LCMT2: variants seen among roughly 807,000 people sequenced by gnomAD.
LCMT2 encodes the protein tRNA wybutosine-synthesizing protein 4.
LCMT2 carries 34 observed loss-of-function variants against 42.0 expected under a neutral mutation model. The ratio of observed to expected loss-of-function variants is 0.81; its 90% CI spans 0.62 to 1.08. The LOEUF (loss-of-function observed/expected upper bound fraction) is 1.08. Among genes scored for constraint, LCMT2 ranks in the 50% least tolerant of loss-of-function variants. The pLI, the probability that LCMT2 is intolerant of heterozygous loss-of-function variation, is 0.00. For synonymous variants in LCMT2, 445 were observed against 369.5 expected (o/e 1.20, Z -2.34); for missense variants, 1,091 against 889.4 (o/e 1.23, Z -2.88).
In LCMT2 at chr15:43,330,060, G is replaced by A. The variant is rs776662194; in HGVS notation, c.430C>T (p.Pro144Ser). 8 of 1,612,248 alleles carry A rather than the reference G, an allele frequency of 5.0e-6. No homozygotes were observed. The highest frequency in any genetic ancestry group is 6.8e-6 in the Non-Finnish European group (8 of 1,179,920). The part of the protein sequence containing the change: ...ALTGPFERGE[P>S]ASALCFESAD... ...CTCTCAAAGCACAGCGCGGACGCGG[G>A]CTCCCCCCTCTCGAAAGGCCCGGTT... Residue 144 changes from proline (P) to serine (S), a missense_variant, in exon 1 of 1, where the codon CCC becomes TCC. Transcript: ENST00000305641.
Position 43,328,646 on chromosome 15 carries a change from G to A in LCMT2, c.1844C>T (p.Thr615Ile), listed in dbSNP as rs1180049002. ...CAATCCTGTAGTCAAATTGATCACA[G>A]TCACTCCAGGAAATGAGGAGGAATG... ...WIHSSSFPGV[T>I]VINLTTGLSS... is the part of the protein sequence containing the mutation. Residue 615 changes from threonine to isoleucine, a missense_variant, in exon 1 of 1, where the codon ACT (threonine) becomes ATT (isoleucine). Thr to Ile is a moderately conservative substitution (Grantham distance 89). Transcript: ENST00000305641. The A allele has an allele frequency of 6.2e-7, 1 of 1,614,210 alleles. No individual in the cohort carries two copies.
Position 43,329,468 on chromosome 15 carries a change from A to G in LCMT2, c.1022T>C (p.Phe341Ser). The change falls in exon 1 of 1, where the codon TTC becomes TCC. Residue 341 changes from phenylalanine (F) to serine (S), a missense_variant. Phe to Ser is a radical substitution (Grantham distance 155, BLOSUM62 -2). Transcript: ENST00000305641. ...CTCGCTACTGACTACGCTGGCAGGG[A>G]ATACCCCTGAAGGCGAAGCAGGATT... ...RVNPASPSGV[F>S]PASVVSSEGQ... The G allele has an allele frequency of 6.2e-7, 1 of 1,614,150 alleles. No individual in the cohort carries two copies. The highest frequency in any genetic ancestry group is 1.1e-5 in the South Asian group (1 of 91,086).
Position 43,330,497 on chromosome 15 carries a change from A to G in LCMT2, c.-8T>C, listed in dbSNP as rs2043178897. On this transcript the variant is annotated 5_prime_UTR_variant, in exon 1 of 1. Coordinates refer to ENST00000305641, the MANE Select transcript of LCMT2 (RefSeq NM_014793.5). ...ACGGCTCCGGGGGCCCATGGCCAGA[A>G]GAGACTCAGGAATGGCAGTCTGTCA... 2 of 1,516,194 alleles carry G rather than the reference A, an allele frequency of 1.3e-6. No homozygotes were observed. Among genetic ancestry groups the G allele is most frequent in the Non-Finnish European group, 8.8e-7 (1 of 1,136,664 alleles). 93.9% of individuals were successfully genotyped at this position (1,516,194 alleles called of 1,614,324 possible).
rs35295618 is a variant in LCMT2, at chr15:43,324,641, G to GCAAACAAA, written c.*3780_*3787dup. 5.8e-4 allele frequency: 76 copies of GCAAACAAA among 131,730 alleles called. No homozygotes were observed. Among genetic ancestry groups the GCAAACAAA allele is most frequent in the Admixed American group, 1.5e-3 (18 of 11,728 alleles). 8.2% of individuals were successfully genotyped at this position (131,730 alleles called of 1,614,324 possible). A position where few individuals can be genotyped will look rare whatever the true frequency, so the allele number is the denominator to read the frequency against. On this transcript the variant is annotated 3_prime_UTR_variant, in exon 1 of 1. Transcript: ENST00000305641. ...TCCGTCTCAAAACAAAAAACAAAAA[G>GCAAACAAA]CAAACAAACAAACAAACAAACAAAC...
Position 43,328,920 on chromosome 15 carries a change from T to C in LCMT2, c.1570A>G (p.Ile524Val), listed in dbSNP as rs765435945. 1.2e-6 allele frequency: 2 copies of C among 1,614,020 alleles called. No homozygotes were observed. Among genetic ancestry groups the C allele is most frequent in the African/African-American group, 2.7e-5 (2 of 74,912 alleles). The stretch of plus-strand genomic sequence containing the variant: ...TCAGGTACTTCTCCCTCCACTGGGA[T>C]CCTGACCCAAGCCATTGTCCCTACA... ...LHVGTMAWVR[I>V]PVEGEVPEAR... is the part of the protein sequence containing the mutation. The change falls in exon 1 of 1, where the codon ATC (isoleucine) becomes GTC (valine). Residue 524 changes from isoleucine to valine, a missense_variant. Ile to Val is a conservative substitution (Grantham distance 29, BLOSUM62 3). Coordinates refer to ENST00000305641, the MANE Select transcript of LCMT2 (RefSeq NM_014793.5).
Position 43,329,091 on chromosome 15 carries a change from T to C in LCMT2, c.1399A>G (p.Thr467Ala), listed in dbSNP as rs1218429506. The C allele has an allele frequency of 6.2e-7, 1 of 1,614,098 alleles. No homozygotes were observed. Among genetic ancestry groups the C allele is most frequent in the Non-Finnish European group, 8.5e-7 (1 of 1,180,036 alleles). Residue 467 changes from threonine (T) to alanine (A), a missense_variant, in exon 1 of 1, where the codon ACA becomes GCA. Transcript: ENST00000305641. ...NNTEDLKVTI[T>A]KAGRKDDSTL... ...GAATCATCCTTTCGGCCAGCCTTTG[T>C]TATTGTCACTTTCAGGTCCTCAGTG... is the stretch of plus-strand genomic sequence containing the variant.
Position 43,330,182 on chromosome 15 carries a change from C to T in LCMT2, c.308G>A (p.Gly103Asp). 1 of 1,611,686 alleles carries T rather than the reference C, an allele frequency of 6.2e-7. No homozygotes were observed. Among genetic ancestry groups the T allele is most frequent in the Non-Finnish European group, 8.5e-7 (1 of 1,179,858 alleles). ...DSLYFRLKTA[G>D]RLARAAVWEV... is the part of the protein sequence containing the mutation. ...CCAGACTGCAGCCCGGGCCAGGCGG[C>T]CCGCGGTTTTTAAGCGAAAATAGAG... The change falls in exon 1 of 1, where the codon GGC becomes GAC. Residue 103 changes from glycine (G) to aspartate (D), a missense_variant. By Grantham distance (94) the Gly-to-Asp change is moderately conservative (BLOSUM62 -1). Coordinates refer to ENST00000305641, the MANE Select transcript of LCMT2 (RefSeq NM_014793.5).
chr15:43,328,356 T>C lies in LCMT2; in HGVS notation c.*73A>G, dbSNP rs1057440900. 15 of 1,457,564 alleles carry C rather than the reference T, an allele frequency of 1.0e-5. No homozygotes were observed. The highest frequency in any genetic ancestry group is 6.1e-5 in the Admixed American group (3 of 48,790). 90.3% of individuals were successfully genotyped at this position (1,457,564 alleles called of 1,614,324 possible). A position where few individuals can be genotyped will look rare whatever the true frequency, so the allele number is the denominator to read the frequency against. The stretch of plus-strand genomic sequence containing the variant: ...GGGAAAGGAGGAGTGGCAGTATCTA[T>C]AGCTAGAGGGTCATCCTATTTGTGG... On this transcript the variant is annotated 3_prime_UTR_variant, in exon 1 of 1. Coordinates refer to ENST00000305641, the MANE Select transcript of LCMT2 (RefSeq NM_014793.5).
chr15:43,330,455 G>A lies in LCMT2; in HGVS notation c.35C>T (p.Ala12Val), dbSNP rs2043177384. 5 of 1,530,374 alleles carry A rather than the reference G, an allele frequency of 3.3e-6. No homozygotes were observed. Among genetic ancestry groups the A allele is most frequent in the East Asian group, 4.6e-5 (2 of 43,914 alleles). 94.8% of individuals were successfully genotyped at this position (1,530,374 alleles called of 1,614,324 possible). The change falls in exon 1 of 1, where the codon GCG (alanine) becomes GTG (valine). Residue 12 changes from alanine (A) to valine (V), a missense_variant. Transcript: ENST00000305641. The part of the protein sequence containing the change: ...GPRSRERRAG[A>V]VQNTNDSSAL... ...GCTGCTGTCGTTGGTGTTCTGTACC[G>A]CGCCTGCCCGACGCTCACGGCTCCG...
rs1306611975 is a variant in LCMT2, at chr15:43,330,000, G to A, written c.490C>T (p.Gln164Ter). The A allele has an allele frequency of 2.5e-6, 4 of 1,612,658 alleles. No homozygotes were observed. Among genetic ancestry groups the A allele is most frequent in the Admixed American group, 3.3e-5 (2 of 60,030 alleles). ...AGGGCCTCCTCCACTCGCTGGAGCT[G>A]CCGCAAGTCCAGACCCAGGATGCAG... Reference protein sequence around the residue: ...DYCILGLDLRQLQRVEEALGA... With the variant: ...DYCILGLDLR The change falls in exon 1 of 1, where the codon CAG (glutamine) becomes TAG (stop). Residue 164 changes from glutamine to a stop codon, truncating the protein, a stop_gained. Transcript: ENST00000305641. LOFTEE classifies it high-confidence loss of function.
rs894316824 is a variant in LCMT2 at position 43,327,921 on chromosome 15, A to C, written c.*508T>G. ...AACTATCCGAGTTTTCTGTTGCAAC[A>C]AACAGGACAATGTTTTAATCAAACT... On this transcript the variant is annotated 3_prime_UTR_variant, in exon 1 of 1. Transcript: ENST00000305641. 1 of 154,714 alleles carries C rather than the reference A, an allele frequency of 6.5e-6. No individual in the cohort carries two copies. The highest frequency in any genetic ancestry group is 6.3e-5 in the Admixed American group (1 of 15,804). The allele number at this position is 154,714 out of a possible 1,614,324, so 9.6% of individuals were successfully genotyped here.
rs745418757 is a variant in LCMT2 at position 43,330,500 on chromosome 15, G to C, written c.-11C>G. ...GCTCCGGGGGCCCATGGCCAGAAGA[G>C]ACTCAGGAATGGCAGTCTGTCACGG... On this transcript the variant is annotated 5_prime_UTR_variant, in exon 1 of 1. Transcript: ENST00000305641. The C allele has an allele frequency of 2.3e-5, 35 of 1,514,670 alleles. No individual in the cohort carries two copies. Among genetic ancestry groups the C allele is most frequent in the Non-Finnish European group, 3.1e-5 (35 of 1,135,806 alleles). The allele number at this position is 1,514,670 out of a possible 1,614,324, so 93.8% of individuals were successfully genotyped here.
Position 43,329,561 on chromosome 15 carries a change from G to T in LCMT2, c.929C>A (p.Ala310Glu), listed in dbSNP as rs1407139306. Reference protein sequence around the residue: ...HLKCAHYFILAASRGDTLSHT... With the variant: ...HLKCAHYFILEASRGDTLSHT... Reference sequence around the variant, plus strand: ...GGAGAGGGTGTCTCCCCTAGAAGCTGCCAGAATGAAATAATGGGCGCACTT... The same window carrying T: ...GGAGAGGGTGTCTCCCCTAGAAGCTTCCAGAATGAAATAATGGGCGCACTT... The change falls in exon 1 of 1, where the codon GCA (alanine) becomes GAA (glutamate). Residue 310 changes from alanine (A) to glutamate (E), a missense_variant. By Grantham distance (107) the Ala-to-Glu change is moderately radical. Coordinates refer to ENST00000305641, the MANE Select transcript of LCMT2 (RefSeq NM_014793.5). 4.3e-6 allele frequency: 7 copies of T among 1,613,932 alleles called. No individual in the cohort carries two copies. In the African/African-American group the frequency reaches 8.0e-5, roughly 18 times the overall value.
At position 43,330,343 on chromosome 15, in the gene LCMT2, T is replaced by G. The variant is rs2142458125; in HGVS notation, c.147A>C (p.Ala49=). ...CGTAGTAGCCTCGGTGAATGAGCGG[T>G]GCGCGGCGCGCCGCGCCCGGAACCA... ...ALLVPGAARR[A]PLIHRGYYVR... is the part of the protein sequence containing the mutation. Residue 49 remains alanine (A), a synonymous_variant, in exon 1 of 1, where the codon GCA becomes GCC. Transcript: ENST00000305641. The G allele has an allele frequency of 6.2e-7, 1 of 1,603,102 alleles. No individual in the cohort carries two copies. The highest frequency in any genetic ancestry group is 8.5e-7 in the Non-Finnish European group (1 of 1,178,334).
chr15:43,328,390 AT>A lies in LCMT2; in HGVS notation c.*38del. On this transcript the variant is annotated 3_prime_UTR_variant, in exon 1 of 1. Coordinates refer to ENST00000305641, the MANE Select transcript of LCMT2 (RefSeq NM_014793.5). The stretch of plus-strand genomic sequence containing the variant: ...GGTCATCCTATTTGTGGAAAACTTT[AT>A]TGTCTACTTTAGTGGGTCCTGAATA... 6.4e-7 allele frequency: 1 copy of A among 1,567,860 alleles called. No homozygotes were observed. The highest frequency in any genetic ancestry group is 8.6e-7 in the Non-Finnish European group (1 of 1,158,514).
chr15:43,330,558 A>C lies in LCMT2; in HGVS notation c.-69T>G. On this transcript the variant is annotated 5_prime_UTR_variant, in exon 1 of 1. Transcript: ENST00000305641. ...CCGCCCCTTGGTTAGCACACACCTC[A>C]CGGACCTCGGTAGGGGGAAAAAAAC... 3.3e-5 allele frequency: 48 copies of C among 1,475,430 alleles called. No individual in the cohort carries two copies. The highest frequency in any genetic ancestry group is 3.9e-5 in the Non-Finnish European group (44 of 1,115,990). The allele number at this position is 1,475,430 out of a possible 1,614,324, so 91.4% of individuals were successfully genotyped here.
Position 43,328,898 on chromosome 15 carries a change from G to A in LCMT2, c.1592C>T (p.Pro531Leu), listed in dbSNP as rs1224505590. 2 of 1,613,980 alleles carry A rather than the reference G, an allele frequency of 1.2e-6. No individual in the cohort carries two copies. The highest frequency in any genetic ancestry group is 1.7e-6 in the Non-Finnish European group (2 of 1,180,026). Residue 531 changes from proline (P) to leucine (L), a missense_variant, in exon 1 of 1, where the codon CCT (proline) becomes CTT (leucine). Transcript: ENST00000305641. ...GGCACTGTGAGAATGCCGGGCTTCA[G>A]GTACTTCTCCCTCCACTGGGATCCT... ...WVRIPVEGEV[P>L]EARHSHSACT...
Position 43,329,839 on chromosome 15 carries a change from G to T in LCMT2, c.651C>A (p.Val217=). 1 of 1,613,924 alleles carries T rather than the reference G, an allele frequency of 6.2e-7. No homozygotes were observed. The highest frequency in any genetic ancestry group is 8.5e-7 in the Non-Finnish European group (1 of 1,180,028). ...CGTCTTGAGGCCTCATCTGCTCATA[G>T]ACCACGAAAAGGGCATTAGGAAAAC... ...AQRFPNALFV[V]YEQMRPQDAF... The change falls in exon 1 of 1, where the codon GTC becomes GTA. Residue 217 remains valine, a synonymous_variant. Transcript: ENST00000305641.
Position 43,324,805 on chromosome 15 carries a change from G to C in LCMT2, c.*3624C>G, listed in dbSNP as rs1183994391. The C allele has an allele frequency of 6.6e-6, 1 of 152,230 alleles. No homozygotes were observed. The highest frequency in any genetic ancestry group is 1.5e-5 in the Non-Finnish European group (1 of 68,076). The allele number at this position is 152,230 out of a possible 1,614,324, so 9.4% of individuals were successfully genotyped here. A position where few individuals can be genotyped will look rare whatever the true frequency, so the allele number is the denominator to read the frequency against. On this transcript the variant is annotated 3_prime_UTR_variant, in exon 1 of 1. Coordinates refer to ENST00000305641, the MANE Select transcript of LCMT2 (RefSeq NM_014793.5). Reference sequence around the variant, plus strand: ...GCAGTCATATAGGGCTGTTTTCCAGGAGATGACATGTGGGATAAGTCCCAG... The same window carrying C: ...GCAGTCATATAGGGCTGTTTTCCAGCAGATGACATGTGGGATAAGTCCCAG...
Sources: allele counts gnomAD v4.1 joint callset, GRCh38; gene constraint gnomAD v4.1.1; transcripts MANE v1.5; gene names NCBI Gene and HGNC (gene_info 2026-07-23, HGNC 2026-07-21).